The following SLC9C1 variants were observed in gnomAD, a reference collection of about 807,000 sequenced individuals.
SLC9C1 encodes the protein sodium/hydrogen exchanger 10.
SLC9C1 carries 97 observed loss-of-function variants against 140.9 expected under a neutral mutation model. The ratio of observed to expected loss-of-function variants is 0.69; its 90% CI spans 0.58 to 0.82. The LOEUF (loss-of-function observed/expected upper bound fraction) is 0.82. Ranked by LOEUF, SLC9C1 falls within the 40% of genes least tolerant of loss-of-function variation. The pLI, the probability that SLC9C1 is intolerant of heterozygous loss-of-function variation, is 0.00. For missense variants in SLC9C1, 1,340 were observed against 1,389.3 expected (o/e 0.96, Z 0.56); for synonymous variants, 440 against 442.6 (o/e 0.99, Z 0.07).
chr3:112,153,102 C>T lies in SLC9C1; in HGVS notation c.3418-1139G>A, dbSNP rs75704845. On this transcript the variant is annotated intron_variant, in intron 27 of 28. Transcript: ENST00000305815. ...CCTGGGAAGAGAACTGACTCTAACA[C>T]AGCCAGGATCTAACTGCAGGGAGAA... is the stretch of plus-strand genomic sequence containing the variant. Among the ~76,000 whole-genome samples the T allele has an allele frequency of 2.6e-4, 39 of 152,292 alleles. 2 individuals carry two copies. The East Asian group carries it at 7.3e-3, about 29-fold the overall frequency.
At chr3:112,293,827 T>G (rs2080760069) in intron 1 of SLC9C1, among the ~76,000 whole-genome samples, 1 of 152,138 alleles carries the variant, frequency 6.6e-6, no homozygotes, top group Non-Finnish European at 1.5e-5. Context: ...TGCCACTGGA[T>G]AGTTCACAAA....
At chr3:112,252,166 C>G (rs1167418755) in intron 10 of SLC9C1, among the ~76,000 whole-genome samples, 1 of 151,130 alleles carries the variant, frequency 6.6e-6, no homozygotes, top group Non-Finnish European at 1.5e-5. Flanking sequence ...GTTACACAGC[C>G]TTAGCCATTG....
At chr3:112,143,060 G>A (rs1237115525) in intron 28 of SLC9C1, among the ~76,000 whole-genome samples, 1 of 152,138 alleles carries the variant, frequency 6.6e-6, no homozygotes, top group African/African-American at 2.4e-5. Context: ...GCAAAGGACA[G>A]GATTTGGGTC....
chr3:112,228,256 G>A (rs2078732391), intron 13 of SLC9C1, among the ~76,000 whole-genome samples: 1 of 152,062 alleles, frequency 6.6e-6, no homozygotes, highest in Admixed American at 6.6e-5. Flanking sequence ...CCTATTTATA[G>A]CCAACTGATT....
At position 112,231,522 on chromosome 3, in the gene SLC9C1, T is replaced by C. The variant is rs765840908; in HGVS notation, c.1447-36A>G. 19 of 1,553,996 alleles carry C rather than the reference T, an allele frequency of 1.2e-5. No individual in the cohort carries two copies. In the South Asian group the frequency reaches 1.6e-4, roughly 13 times the overall value. On this transcript the variant is annotated intron_variant, in intron 12 of 28. Transcript: ENST00000305815. ...CATAAATAAAAGAACAAAAAATACA[T>C]GAATATTAACATATTGTTTAGCAAA...
At chr3:112,233,743 T>A (rs1175744927) in intron 12 of SLC9C1, among the ~76,000 whole-genome samples, 2 of 151,706 alleles carry the variant, frequency 1.3e-5, no homozygotes, top group African/African-American at 2.4e-5. Flanking sequence ...TGGTTTTTTG[T>A]GCTTGTGATA....
intron 13 of SLC9C1, among the ~76,000 whole-genome samples, chr3:112,224,144 A>G (rs1400865350): frequency 6.6e-6 from 1 of 152,194 alleles, no homozygotes; most frequent in Non-Finnish European, 1.5e-5. Flanking sequence ...CAGACCCCAC[A>G]TAGGTAGACC....
At chr3:112,181,208 G>T (rs1400744242) in intron 21 of SLC9C1, among the ~76,000 whole-genome samples, 1 of 152,172 alleles carries the variant, frequency 6.6e-6, no homozygotes, top group Admixed American at 6.5e-5. Context: ...TGCAATTTTA[G>T]ATAGGGTATT....
chr3:112,236,881 C>A (rs1344474084), intron 12 of SLC9C1, among the ~76,000 whole-genome samples: 1 of 152,146 alleles, frequency 6.6e-6, no homozygotes. Context: ...TGCTTTACTT[C>A]CAACTATGTG....
At chr3:112,254,255 T>C (rs1439269561) in intron 10 of SLC9C1, among the ~76,000 whole-genome samples, 2 of 152,072 alleles carry the variant, frequency 1.3e-5, no homozygotes, top group African/African-American at 4.8e-5. Flanking sequence ...CAAGATTCTA[T>C]ACAAGAAGAT....
chr3:112,229,518 T>C (rs184713876), intron 13 of SLC9C1, among the ~76,000 whole-genome samples: 123 of 152,220 alleles, frequency 8.1e-4, no homozygotes, highest in Non-Finnish European at 1.5e-3. Context: ...TTACCTTTCA[T>C]ATTAGAATAA....
chr3:112,218,671 T>C (rs957564099), intron 14 of SLC9C1, among the ~76,000 whole-genome samples: 3 of 152,190 alleles, frequency 2.0e-5, no homozygotes, highest in Admixed American at 6.5e-5. Context: ...TGCAGCAGAC[T>C]AGTGGGATGA....
At chr3:112,224,988 A>AAAGG (rs1377524595) in intron 13 of SLC9C1, among the ~76,000 whole-genome samples, 1 of 152,104 alleles carries the variant, frequency 6.6e-6, no homozygotes, top group African/African-American at 2.4e-5. Context: ...TAATAACAGA[A>AAAGG]AACTTCCAAG....
chr3:112,182,401 T>A (rs1309151753), intron 20 of SLC9C1, 143 bp from the exon 21 acceptor site: 2 of 870,546 alleles, frequency 2.3e-6, no homozygotes, highest in African/African-American at 3.4e-5. Flanking sequence ...TCTCTTTATA[T>A]CATGATTCTT....
chr3:112,253,397 T>C (rs1411031077), intron 10 of SLC9C1, among the ~76,000 whole-genome samples: 1 of 152,142 alleles, frequency 6.6e-6, no homozygotes, highest in African/African-American at 2.4e-5. Context: ...AGAGCATGGC[T>C]GCAACTGTAA....
At chr3:112,234,883 T>G (rs1400540345) in intron 12 of SLC9C1, among the ~76,000 whole-genome samples, 1 of 152,108 alleles carries the variant, frequency 6.6e-6, no homozygotes, top group African/African-American at 2.4e-5. Flanking sequence ...AGTGTAGCCT[T>G]GTAGTATAGG....
intron 28 of SLC9C1, among the ~76,000 whole-genome samples, chr3:112,147,803 G>A (rs1431573167): frequency 6.6e-6 from 1 of 152,124 alleles, no homozygotes; most frequent in Non-Finnish European, 1.5e-5. Context: ...GTATCTGGAT[G>A]TCTACATCTC....
chr3:112,151,268 T>C (rs2074969584), intron 28 of SLC9C1: 1 of 501,858 alleles, frequency 2.0e-6, no homozygotes, highest in South Asian at 1.5e-5. Context: ...CATAGATACA[T>C]TTTGAACAGT....
chr3:112,267,575 C>CAAAAAAAAAAA (rs71933510), intron 7 of SLC9C1, among the ~76,000 whole-genome samples: 3 of 56,846 alleles, frequency 5.3e-5, no homozygotes, highest in Non-Finnish European at 6.0e-5. Flanking sequence ...GACTCCGTCT[C>CAAAAAAAAAAA]AAAAAAAAAA....
Sources: allele counts gnomAD v4.1 joint callset (sites outside exome capture counted in the v4.1 genomes callset), GRCh38; gene constraint gnomAD v4.1.1; transcripts MANE v1.5; gene names NCBI Gene and HGNC (gene_info 2026-07-23, HGNC 2026-07-21).